The following PTPRC variants were observed in gnomAD, a reference collection of about 807,000 sequenced individuals.
PTPRC encodes protein tyrosine phosphatase receptor type C.
In PTPRC, 44 loss-of-function variants were observed where a neutral mutation model predicts 155.9. That is an observed-to-expected ratio of 0.28 (90% confidence interval 0.22 to 0.36). The LOEUF (loss-of-function observed/expected upper bound fraction) is 0.36. Ranked by LOEUF, PTPRC falls within the 10% of genes least tolerant of loss-of-function variation. The pLI is 1.00. For synonymous variants in PTPRC, 525 were observed against 533.1 expected, an observed-to-expected ratio of 0.98 and a Z score of 0.21; for missense variants, 1,401 against 1,564.6, an observed-to-expected ratio of 0.90 and a Z score of 1.76.
chr1:198,693,826 A>G (rs1666057724), intron 3 of PTPRC, among the ~76,000 whole-genome samples: 1 of 152,196 alleles, frequency 6.6e-6, no homozygotes, highest in South Asian at 2.1e-4. Context: ...GTTCTCTGAA[A>G]ACCTTTCTCC....
chr1:198,669,830 T>C (rs185126304), intron 2 of PTPRC, among the ~76,000 whole-genome samples: 1 of 152,172 alleles, frequency 6.6e-6, no homozygotes, highest in South Asian at 2.1e-4. Flanking sequence ...GATGGAGTCA[T>C]TTTTTTCAAA....
chr1:198,711,056 C>A (rs536967679), intron 11 of PTPRC, among the ~76,000 whole-genome samples: 28 of 152,180 alleles, frequency 1.8e-4, no homozygotes, highest in Admixed American at 1.6e-3. Context: ...AATCTCCTGA[C>A]CTCATGATCC....
At chr1:198,700,720 G>A (rs1457414975) in intron 5 of PTPRC, among the ~76,000 whole-genome samples, 1 of 152,186 alleles carries the variant, frequency 6.6e-6, no homozygotes, top group Non-Finnish European at 1.5e-5. Flanking sequence ...AGTCTGCTCT[G>A]TCCTGATCAA....
chr1:198,647,140 T>G (rs1662983163), intron 2 of PTPRC, among the ~76,000 whole-genome samples: 1 of 151,894 alleles, frequency 6.6e-6, no homozygotes, highest in Non-Finnish European at 1.5e-5. Context: ...AAATTTACTG[T>G]AAAGATCATG....
chr1:198,709,533 A>G (rs1653174943), intron 10 of PTPRC, among the ~76,000 whole-genome samples, 154 bp from the exon 11 acceptor site: 1 of 152,170 alleles, frequency 6.6e-6, no homozygotes, highest in South Asian at 2.1e-4. Flanking sequence ...GAATGTAAAA[A>G]TTATTTTTAG....
intron 2 of PTPRC, among the ~76,000 whole-genome samples, chr1:198,648,372 G>A (rs974559090): frequency 2.4e-4 from 36 of 151,746 alleles, no homozygotes; most frequent in Admixed American, 1.3e-4. Context: ...GCAAATGAGA[G>A]TTGTAGGGGG....
intron 3 of PTPRC, chr1:198,693,160 G>A (rs1453652579): frequency 3.2e-6 from 3 of 929,740 alleles, no homozygotes; most frequent in Non-Finnish European, 2.6e-6. Context: ...ATGAAATTGG[G>A]TTATTAAAAT....
chr1:198,694,252 C>A, intron 3 of PTPRC: 1 of 1,190,694 alleles, frequency 8.4e-7, no homozygotes, highest in Non-Finnish European at 1.1e-6. Context: ...CTCACTTCTC[C>A]TACCTTCTTG....
chr1:198,737,451 C>G (rs959444835), intron 23 of PTPRC, among the ~76,000 whole-genome samples: 4 of 151,546 alleles, frequency 2.6e-5, no homozygotes, highest in African/African-American at 9.7e-5. Context: ...TGGAGACTGT[C>G]CTTTCCCCAA....
intron 2 of PTPRC, among the ~76,000 whole-genome samples, chr1:198,665,524 C>G (rs1664241403): frequency 6.6e-6 from 1 of 152,130 alleles, no homozygotes; most frequent in South Asian, 2.1e-4. Context: ...CAGGCATATA[C>G]AGAGAAGTTT....
intron 14 of PTPRC, among the ~76,000 whole-genome samples, chr1:198,721,901 T>A (rs939818079): frequency 1.3e-5 from 2 of 151,536 alleles, no homozygotes; most frequent in Non-Finnish European, 3.0e-5. Context: ...TCCCTGTATA[T>A]GTAAATTGTT....
rs143465225 is a variant in PTPRC at position 198,695,021 on chromosome 1, A to G, written c.101-1691A>G. 3.6e-5 allele frequency: 34 copies of G among 952,532 alleles called. No individual in the cohort carries two copies. In the East Asian group the frequency reaches 3.1e-3, roughly 87 times the overall value. 59.0% of individuals were successfully genotyped at this position (952,532 alleles called of 1,614,324 possible). A position where few individuals can be genotyped will look rare whatever the true frequency, so the allele number is the denominator to read the frequency against. On this transcript the variant is annotated intron_variant, in intron 3 of 32. Transcript: ENST00000442510. ...TCATTAGAAAATAACACACATAACA[A>G]GTCTATGATCATTTTGCATTTCTGT...
intron 25 of PTPRC, 26 bp from the exon 26 acceptor site, chr1:198,744,028 A>C (rs765723040): frequency 5.1e-6 from 8 of 1,571,708 alleles, no homozygotes; most frequent in African/African-American, 1.4e-5. Flanking sequence ...TCAGTTAACT[A>C]TCTGTATTTG....
At chr1:198,662,224 G>T (rs921868498) in intron 2 of PTPRC, among the ~76,000 whole-genome samples, 2 of 152,088 alleles carry the variant, frequency 1.3e-5, no homozygotes, top group Non-Finnish European at 2.9e-5. Flanking sequence ...CTTCATATGT[G>T]CTAGATGCTA....
At chr1:198,684,655 A>G (rs1480301054) in intron 2 of PTPRC, among the ~76,000 whole-genome samples, 2 of 151,814 alleles carry the variant, frequency 1.3e-5, no homozygotes, top group Non-Finnish European at 2.9e-5. Context: ...CTTTTATTGT[A>G]GTGCTGTTTC....
At chr1:198,709,929 A>G in intron 11 of PTPRC, 105 bp downstream of exon 11, 1 of 1,461,660 alleles carries the variant, frequency 6.8e-7, no homozygotes, top group South Asian at 1.3e-5. Context: ...TGTTTTTGAT[A>G]CTTTTTAAGC....
chr1:198,751,493 C>A (rs1391481316), intron 29 of PTPRC, among the ~76,000 whole-genome samples: 1 of 152,004 alleles, frequency 6.6e-6, no homozygotes, highest in Non-Finnish European at 1.5e-5. Flanking sequence ...CTCACCCTCA[C>A]CTGGTCCCCT....
chr1:198,676,507 G>A (rs1309214127), intron 2 of PTPRC, among the ~76,000 whole-genome samples: 5 of 152,194 alleles, frequency 3.3e-5, no homozygotes, highest in Non-Finnish European at 7.4e-5. Flanking sequence ...CTCTGGATTT[G>A]TTCTGAGCTG....
intron 23 of PTPRC, among the ~76,000 whole-genome samples, chr1:198,736,075 T>C (rs916061592): frequency 2.6e-5 from 4 of 151,530 alleles, no homozygotes; most frequent in African/African-American, 9.7e-5. Context: ...GGTAGGTGTG[T>C]ATATTCATGG....
Sources: gnomAD v4.1 joint callset for allele counts (sites outside exome capture counted in the v4.1 genomes callset) on GRCh38, gnomAD v4.1.1 for gene constraint, MANE v1.5 for transcripts, NCBI Gene and HGNC (gene_info 2026-07-23, HGNC 2026-07-21) for gene names.